Variants in NLK observed in about 807,000 individuals in gnomAD.
The protein encoded by NLK is serine/threonine-protein kinase NLK.
In NLK, 11 loss-of-function variants were observed where a neutral mutation model predicts 59.0. The observed-to-expected ratio is 0.19, with a 90% CI of 0.12 to 0.31. NLK has a LOEUF of 0.31. Among genes scored for constraint, NLK ranks in the 10% least tolerant of loss-of-function variants. The pLI is 1.00. For missense variants in NLK, 410 were observed against 661.1 expected (o/e 0.62, Z 4.16); for synonymous variants, 235 against 235.9 (o/e 1.00, Z 0.03).
At chr17:28,163,457 T>C in intron 4 of NLK, 86 bp from the exon 5 acceptor site, 1 of 758,406 alleles carries the variant, frequency 1.3e-6, no homozygotes, top group Non-Finnish European at 2.2e-6. Flanking sequence ...TTAAATCCTC[T>C]ACTGTTTTCT....
intron 4 of NLK, among the ~76,000 whole-genome samples, chr17:28,162,547 G>A (rs1374432105): frequency 2.0e-5 from 3 of 152,242 alleles, no homozygotes; most frequent in Admixed American, 2.0e-4. Flanking sequence ...TGAGGCAGGA[G>A]AATCGAGTGA....
chr17:28,114,410 T>C (rs1255979940), intron 1 of NLK, among the ~76,000 whole-genome samples: 2 of 152,202 alleles, frequency 1.3e-5, no homozygotes, highest in Non-Finnish European at 2.9e-5. Flanking sequence ...TTGCTATTGT[T>C]AGACTTTTAA....
intron 1 of NLK, among the ~76,000 whole-genome samples, chr17:28,102,947 G>T (rs183429490): frequency 1.3e-5 from 2 of 152,250 alleles, no homozygotes; most frequent in Non-Finnish European, 2.9e-5. Context: ...AAGAGTAAAT[G>T]GTTTGCAGGT....
intron 2 of NLK, among the ~76,000 whole-genome samples, chr17:28,124,776 G>T (rs569204629): frequency 6.6e-6 from 1 of 152,046 alleles, no homozygotes; most frequent in Non-Finnish European, 1.5e-5. Flanking sequence ...GGGGCCGGGC[G>T]CAGTAGCTCA....
At chr17:28,150,515 A>T (rs1907435373) in intron 3 of NLK, among the ~76,000 whole-genome samples, 1 of 152,158 alleles carries the variant, frequency 6.6e-6, no homozygotes, top group Non-Finnish European at 1.5e-5. Flanking sequence ...TGTTTAAGTG[A>T]TGTTCTCCAG....
chr17:28,185,119 A>G (rs1909065424), intron 7 of NLK, 60 bp from the exon 8 acceptor site: 1 of 967,570 alleles, frequency 1.0e-6, no homozygotes, highest in African/African-American at 1.7e-5. Flanking sequence ...AATTGGCTGT[A>G]TTCCATAGCT....
intron 1 of NLK, among the ~76,000 whole-genome samples, chr17:28,101,783 T>A (rs916192218): frequency 1.3e-5 from 2 of 152,208 alleles, no homozygotes; most frequent in Non-Finnish European, 2.9e-5. Context: ...TTTATTTACT[T>A]GTTTACTTAT....
chr17:28,066,117 T>C (rs1909814304), intron 1 of NLK, among the ~76,000 whole-genome samples: 1 of 152,198 alleles, frequency 6.6e-6, no homozygotes, highest in Non-Finnish European at 1.5e-5. Context: ...TACTCCACTA[T>C]TATCTTCTTT....
At chr17:28,123,742 C>A (rs1906171905) in intron 2 of NLK, among the ~76,000 whole-genome samples, 1 of 152,082 alleles carries the variant, frequency 6.6e-6, no homozygotes, top group Non-Finnish European at 1.5e-5. Flanking sequence ...GACTTATAGA[C>A]AAATAGACTC....
chr17:28,162,555 T>C (rs1256275393), intron 4 of NLK, among the ~76,000 whole-genome samples: 2 of 151,834 alleles, frequency 1.3e-5, no homozygotes, highest in Admixed American at 6.6e-5. Flanking sequence ...GAGAATCGAG[T>C]GAACCCAGGA....
intron 1 of NLK, among the ~76,000 whole-genome samples, chr17:28,097,227 ATACT>A (rs1288723256): frequency 6.6e-5 from 10 of 152,308 alleles, no homozygotes; most frequent in South Asian, 2.1e-4. Context: ...AAATAACAAA[ATACT>A]TACTTTTTGA....
chr17:28,145,073 G>T (rs1202534305), intron 3 of NLK, among the ~76,000 whole-genome samples: 1 of 152,168 alleles, frequency 6.6e-6, no homozygotes, highest in East Asian at 1.9e-4. Context: ...ATCTTTGGCA[G>T]TGGGTTTAAA....
intron 5 of NLK, among the ~76,000 whole-genome samples, chr17:28,166,103 T>G (rs1204985169): frequency 6.6e-6 from 1 of 152,164 alleles, no homozygotes; most frequent in Non-Finnish European, 1.5e-5. Flanking sequence ...TAGTCCCAGC[T>G]GCTCAGGAGG....
At chr17:28,161,989 AAAAT>A (rs1310496035) in intron 4 of NLK, among the ~76,000 whole-genome samples, 1 of 152,146 alleles carries the variant, frequency 6.6e-6, no homozygotes, top group Non-Finnish European at 1.5e-5. Flanking sequence ...TAGAGATTGA[AAAAT>A]AAATGCCAAA....
intron 1 of NLK, among the ~76,000 whole-genome samples, chr17:28,045,296 T>A (rs1909012785): frequency 6.6e-6 from 1 of 152,244 alleles, no homozygotes; most frequent in South Asian, 2.1e-4. Context: ...AATCCTTTTC[T>A]CCTCAGCGCC....
intron 1 of NLK, among the ~76,000 whole-genome samples, chr17:28,069,139 G>C (rs1909928377): frequency 1.3e-5 from 2 of 152,260 alleles, no homozygotes; most frequent in East Asian, 1.9e-4. Context: ...AGTTTTGCTT[G>C]TTCTTAGATT....
chr17:28,087,046 G>A (rs1201783055), intron 1 of NLK, among the ~76,000 whole-genome samples: 18 of 147,770 alleles, frequency 1.2e-4, no homozygotes, highest in African/African-American at 3.3e-4. Flanking sequence ...TGACCTTGTC[G>A]CTCTCAAAAA....
At chr17:28,155,195 T>C (rs1393449666) in intron 3 of NLK, among the ~76,000 whole-genome samples, 2 of 152,232 alleles carry the variant, frequency 1.3e-5, no homozygotes. Context: ...ATTCCCTTGC[T>C]TGTTTTGTTT....
intron 1 of NLK, among the ~76,000 whole-genome samples, chr17:28,066,453 T>C (rs1462645506): frequency 6.6e-6 from 1 of 152,258 alleles, no homozygotes; most frequent in East Asian, 1.9e-4. Flanking sequence ...TTATGTTGCA[T>C]GTACTAATAG....
Sources: gnomAD v4.1 joint callset for allele counts (sites outside exome capture counted in the v4.1 genomes callset) on GRCh38, gnomAD v4.1.1 for gene constraint, MANE v1.5 for transcripts, NCBI Gene and HGNC (gene_info 2026-07-23, HGNC 2026-07-21) for gene names.